The following RAB8B variants were observed in gnomAD, a reference collection of about 807,000 sequenced individuals.
RAB8B encodes ras-related protein Rab-8B.
RAB8B carries 11 observed loss-of-function variants against 32.0 expected under a neutral mutation model. That is an observed-to-expected ratio of 0.34 (90% CI 0.22 to 0.57). RAB8B has a LOEUF of 0.57. RAB8B is among the 20% of genes least tolerant of loss of function. The probability of loss-of-function intolerance (pLI) is 0.86; values close to 1 mark genes in which losing one functional copy is unlikely to be tolerated. For synonymous variants in RAB8B, 103 were observed against 89.6 expected, an observed-to-expected ratio of 1.15 and a Z score of -0.85; for missense variants, 190 against 258.5, an observed-to-expected ratio of 0.73 and a Z score of 1.82.
At chr15:63,228,767 C>T (rs1280929659) in intron 1 of RAB8B, among the ~76,000 whole-genome samples, 1 of 152,166 alleles carries the variant, frequency 6.6e-6, no homozygotes, top group African/African-American at 2.4e-5. Flanking sequence ...ATACTAAATG[C>T]TAAGATTTTG....
chr15:63,254,076 G>T lies in RAB8B; in HGVS notation c.247-1431G>T, dbSNP rs142780918. Among the ~76,000 whole-genome samples, 3 of 152,308 alleles carry T rather than the reference G, an allele frequency of 2.0e-5. No homozygotes were observed. The East Asian group carries it at 5.8e-4, about 29-fold the overall frequency. ...GCCCTCCGCCCATTAGATCTGTGCA[G>T]CCTTGCCAAGCTGACTTTCTTTCAC... On this transcript the variant is annotated intron_variant, in intron 3 of 7. Transcript: ENST00000321437.
At position 63,248,441 on chromosome 15, in the gene RAB8B, G is replaced by A. The variant is rs1368388218; in HGVS notation, c.186-1204G>A. Among the ~76,000 whole-genome samples, 1 of 152,202 alleles carries A rather than the reference G, an allele frequency of 6.6e-6. No homozygotes were observed. Among genetic ancestry groups the A allele is most frequent in the East Asian group, 1.9e-4 (1 of 5,196 alleles). ...GCAGGAGAATCGCTTGAACCCAGGA[G>A]GCAGAGGTTGCAGTGAGCCAGGATT... On this transcript the variant is annotated intron_variant, in intron 2 of 7. Transcript: ENST00000321437. The surrounding 1 kb of genome is among the most constrained non-coding windows in gnomAD (Gnocchi z 4.4).
Position 63,256,297 on chromosome 15 carries a change from G to A in RAB8B, c.325-208G>A, listed in dbSNP as rs113384925. Among the ~76,000 whole-genome samples the A allele has an allele frequency of 9.2e-3, 1,396 of 152,142 alleles. 33 individuals are homozygous for A. Among genetic ancestry groups the A allele is most frequent in the African/African-American group, 0.03 (1,244 of 41,510 alleles). On this transcript the variant is annotated intron_variant, in intron 4 of 7. Transcript: ENST00000321437. ...TTGTTCCACCTTCTTTCCAAACCTC[G>A]GGAAGAAGGTTTGCACAGGCTCTGT...
rs2038251065 is a variant in RAB8B, at chr15:63,266,707, G to A, written c.*3088G>A. ...TGTCATATCCAGTAGCATAAAAAAA[G>A]TATTATCTCCCTGTCTCCATTAATA... On this transcript the variant is annotated 3_prime_UTR_variant, in exon 8 of 8. Transcript: ENST00000321437. The A allele has an allele frequency of 6.6e-6, 1 of 152,444 alleles. No individual in the cohort carries two copies. The highest frequency in any genetic ancestry group is 2.4e-5 in the African/African-American group (1 of 41,444). The allele number at this position is 152,444 out of a possible 1,614,324, so 9.4% of individuals were successfully genotyped here. A position where few individuals can be genotyped will look rare whatever the true frequency, so the allele number is the denominator to read the frequency against.
chr15:63,234,009 A>G (rs1178546886), intron 1 of RAB8B, among the ~76,000 whole-genome samples: 1 of 152,200 alleles, frequency 6.6e-6, no homozygotes, highest in Non-Finnish European at 1.5e-5. Context: ...CTGCAGCCAA[A>G]TTAGTCTTTT....
At chr15:63,192,909 CAT>C (rs777543965) in intron 1 of RAB8B, among the ~76,000 whole-genome samples, 1 of 152,172 alleles carries the variant, frequency 6.6e-6, no homozygotes, top group East Asian at 1.9e-4. Flanking sequence ...GCCTGGGAAA[CAT>C]AGCGAGACTC....
chr15:63,202,664 G>A (rs1467931591), intron 1 of RAB8B, among the ~76,000 whole-genome samples: 1 of 152,224 alleles, frequency 6.6e-6, no homozygotes, highest in Non-Finnish European at 1.5e-5. Flanking sequence ...GCTAGGAACA[G>A]CTACCTTAAT....
intron 1 of RAB8B, among the ~76,000 whole-genome samples, chr15:63,235,002 C>A (rs1161258983): frequency 6.6e-6 from 1 of 152,100 alleles, no homozygotes; most frequent in Non-Finnish European, 1.5e-5. Context: ...GCATTCCTTG[C>A]CACCCCACTT....
chr15:63,238,119 C>T (rs12908512), intron 1 of RAB8B, among the ~76,000 whole-genome samples: 1 of 151,794 alleles, frequency 6.6e-6, no homozygotes, highest in Non-Finnish European at 1.5e-5. Context: ...TAGTACCATG[C>T]CATTTTGGTT....
chr15:63,202,197 G>C lies in RAB8B; in HGVS notation c.124+12449G>C, dbSNP rs182407511. 3.8e-3 allele frequency among the ~76,000 whole-genome samples: 566 copies of C among 150,896 alleles called. 5 individuals carry two copies. Among genetic ancestry groups the C allele is most frequent in the Middle Eastern group, 0.014 (4 of 292 alleles). ...GGAGGCTGAGGGAGGAGAATGGCGT[G>C]AACCCGGGAGGCAGAGCTTGCAGTG... On this transcript the variant is annotated intron_variant, in intron 1 of 7. Transcript: ENST00000321437.
intron 1 of RAB8B, among the ~76,000 whole-genome samples, chr15:63,239,836 G>C (rs2038017372): frequency 6.6e-6 from 1 of 152,206 alleles, no homozygotes; most frequent in South Asian, 2.1e-4. Flanking sequence ...AACTGGCAAA[G>C]AGAGGATGGA....
At chr15:63,245,716 G>T (rs1353537349) in intron 2 of RAB8B, among the ~76,000 whole-genome samples, 1 of 152,188 alleles carries the variant, frequency 6.6e-6, no homozygotes, top group Non-Finnish European at 1.5e-5. Context: ...CTTGGGAACA[G>T]AAGTGTTTCC....
At chr15:63,234,395 G>A (rs879368788) in intron 1 of RAB8B, among the ~76,000 whole-genome samples, 8 of 152,178 alleles carry the variant, frequency 5.3e-5, no homozygotes, top group Non-Finnish European at 1.0e-4. Flanking sequence ...TTTAACTTTA[G>A]TGTAAAAGAG....
intron 1 of RAB8B, among the ~76,000 whole-genome samples, chr15:63,229,197 G>C (rs569437474): frequency 6.8e-4 from 103 of 152,298 alleles, no homozygotes; most frequent in Non-Finnish European, 9.7e-4. Flanking sequence ...AATAAGGGGT[G>C]GGGGAGAGGA....
intron 1 of RAB8B, among the ~76,000 whole-genome samples, chr15:63,238,108 C>T (rs2037998487): frequency 1.3e-5 from 2 of 151,958 alleles, no homozygotes; most frequent in Non-Finnish European, 2.9e-5. Flanking sequence ...TATTTTTATG[C>T]TAGTACCATG....
chr15:63,227,002 A>C (rs543122074), intron 1 of RAB8B, among the ~76,000 whole-genome samples: 2 of 152,056 alleles, frequency 1.3e-5, no homozygotes, highest in East Asian at 3.9e-4. Flanking sequence ...TGCTGGTGGG[A>C]GTGTAGCAGT....
intron 1 of RAB8B, among the ~76,000 whole-genome samples, chr15:63,222,516 TTGATGATGATGA>T (rs202070874): frequency 2.0e-5 from 3 of 152,086 alleles, no homozygotes; most frequent in African/African-American, 7.2e-5. Context: ...GTCCCATAAG[TTGATGATGATGA>T]TGATAATGAT....
Position 63,224,636 on chromosome 15 carries a change from A to T in RAB8B, c.125-20120A>T, listed in dbSNP as rs138790700. On this transcript the variant is annotated intron_variant, in intron 1 of 7. Transcript: ENST00000321437. The stretch of plus-strand genomic sequence containing the variant: ...ATTTCAGATTAATCTAGAAATAAGG[A>T]TTTCATAATAAAATGGCTGTGCTAA... Among the ~76,000 whole-genome samples, 50 of 152,294 alleles carry T rather than the reference A, an allele frequency of 3.3e-4. No individual in the cohort carries two copies. In the East Asian group the frequency reaches 9.1e-3, roughly 28 times the overall value.
At chr15:63,195,036 C>T (rs566668147) in intron 1 of RAB8B, among the ~76,000 whole-genome samples, 1 of 152,300 alleles carries the variant, frequency 6.6e-6, no homozygotes, top group South Asian at 2.1e-4. Context: ...ATGACATCAA[C>T]ATTTGGCTGA....
Sources: allele counts gnomAD v4.1 joint callset (sites outside exome capture counted in the v4.1 genomes callset), GRCh38; gene constraint gnomAD v4.1.1; non-coding constraint Gnocchi (gnomAD v3.1); transcripts MANE v1.5; gene names NCBI Gene and HGNC (gene_info 2026-07-23, HGNC 2026-07-21).